MYO5A: variants seen among roughly 807,000 people sequenced by gnomAD.
MYO5A encodes the protein myosin VA.
In MYO5A, 98 loss-of-function variants were observed where a neutral mutation model predicts 249.7. The observed-to-expected ratio is 0.39, with a 90% CI of 0.33 to 0.46. The LOEUF is 0.46. MYO5A is among the 20% of genes least tolerant of loss of function. The probability of loss-of-function intolerance (pLI) is 0.98; values close to 1 mark genes in which losing one functional copy is unlikely to be tolerated. For synonymous variants in MYO5A, 778 were observed against 810.6 expected (o/e 0.96, Z 0.68); for missense variants, 1,696 against 2,308.8 (o/e 0.73, Z 5.44).
chr15:52,383,883 C>A (rs545761636), intron 15 of MYO5A, among the ~76,000 whole-genome samples: 92 of 152,208 alleles, frequency 6.0e-4, no homozygotes, highest in Non-Finnish European at 1.1e-3. Flanking sequence ...AGAGACAAAA[C>A]AAACAGAAAA....
chr15:52,402,504 A>G (rs1205511200), intron 9 of MYO5A, among the ~76,000 whole-genome samples: 1 of 152,156 alleles, frequency 6.6e-6, no homozygotes, highest in Non-Finnish European at 1.5e-5. Flanking sequence ...AATGCCTTCA[A>G]GGTGGGGCAG....
rs749036075 is a variant in MYO5A, at chr15:52,319,266, G to A, written c.5028C>T (p.Ser1676=). 3 of 1,614,162 alleles carry A rather than the reference G, an allele frequency of 1.9e-6. No homozygotes were observed. The highest frequency in any genetic ancestry group is 1.1e-5 in the South Asian group (1 of 91,082). The change falls in exon 39 of 42, where the codon TCC becomes TCT. Residue 1676 remains serine (S), a synonymous_variant. Coordinates refer to ENST00000399233, the MANE Select transcript of MYO5A (RefSeq NM_001382347.1). ...TGTAGGTGCCCTCATCGGCGATACT[G>A]GAGGTTCGCTTTCTCAACCCTGTGG... The part of the protein sequence containing the change: ...VKPTGLRKRT[S]SIADEGTYTL...
Position 52,425,603 on chromosome 15 carries a change from G to A in MYO5A, c.455+227C>T, listed in dbSNP as rs564212264. ...TCGAACTCCTGACCTCAGGTAATTC[G>A]CCCACCTTGGCCTCCCAAAGTGCTG... On this transcript the variant is annotated intron_variant, in intron 4 of 41. Coordinates refer to ENST00000399233, the MANE Select transcript of MYO5A (RefSeq NM_001382347.1). 3.7e-3 allele frequency among the ~76,000 whole-genome samples: 557 copies of A among 152,084 alleles called. 5 individuals are homozygous for A. Among genetic ancestry groups the A allele is most frequent in the Non-Finnish European group, 4.4e-3 (297 of 67,980 alleles).
chr15:52,383,795 A>G (rs1355133814), intron 15 of MYO5A, among the ~76,000 whole-genome samples: 1 of 152,016 alleles, frequency 6.6e-6, no homozygotes, highest in African/African-American at 2.4e-5. Flanking sequence ...AACATTTCCC[A>G]CTCTCAGAGA....
chr15:52,394,593 T>C (rs1485053794), intron 11 of MYO5A, among the ~76,000 whole-genome samples: 2 of 151,068 alleles, frequency 1.3e-5, no homozygotes, highest in African/African-American at 4.9e-5. Context: ...TGTAAGGGGG[T>C]ATGTGAAGAG....
chr15:52,488,266 G>A (rs17651581), intron 1 of MYO5A, among the ~76,000 whole-genome samples: 22,816 of 151,644 alleles, frequency 0.15, 1,824 homozygotes, highest in Middle Eastern at 0.22. Flanking sequence ...TTTTCATTCT[G>A]AGCCATTTGT....
At chr15:52,407,734 T>G (rs1284133427) in intron 7 of MYO5A, among the ~76,000 whole-genome samples, 1 of 151,910 alleles carries the variant, frequency 6.6e-6, no homozygotes, top group African/African-American at 2.4e-5. Context: ...ACAAATCAAC[T>G]CCTTTAATTT....
At chr15:52,354,046 A>G (rs773018825) in intron 25 of MYO5A, 32 bp from the exon 26 acceptor site, 2 of 1,613,708 alleles carry the variant, frequency 1.2e-6, no homozygotes, top group Middle Eastern at 1.7e-4. Context: ...GATGGTCAAG[A>G]CAAGCCAGAA....
chr15:52,520,303 C>G (rs1032679381), intron 1 of MYO5A, among the ~76,000 whole-genome samples: 6 of 152,196 alleles, frequency 3.9e-5, no homozygotes, highest in Non-Finnish European at 8.8e-5. Context: ...TGTCCTCCCC[C>G]TGGTCTCTGG....
intron 1 of MYO5A, among the ~76,000 whole-genome samples, chr15:52,520,338 T>C (rs2077591355): frequency 6.6e-6 from 1 of 152,130 alleles, no homozygotes; most frequent in Admixed American, 6.5e-5. Flanking sequence ...TGACCACTCA[T>C]GGTGCTCCTC....
chr15:52,427,746 G>T (rs1167892634), intron 3 of MYO5A, among the ~76,000 whole-genome samples: 1 of 151,910 alleles, frequency 6.6e-6, no homozygotes, highest in African/African-American at 2.4e-5. Flanking sequence ...GTGAAAGAAT[G>T]GTAAGACGTC....
intron 1 of MYO5A, chr15:52,505,717 G>C (rs1403033864): frequency 7.2e-7 from 1 of 1,388,822 alleles, no homozygotes; most frequent in Non-Finnish European, 1.0e-6. Context: ...ATCTAAACTA[G>C]TTCCAGTGGG....
At chr15:52,405,647 T>G (rs896559887) in intron 8 of MYO5A, among the ~76,000 whole-genome samples, 2 of 152,200 alleles carry the variant, frequency 1.3e-5, no homozygotes, top group East Asian at 3.8e-4. Context: ...GGACCTATCA[T>G]CTCAAATGGA....
At chr15:52,415,063 C>T (rs1026971527) in intron 5 of MYO5A, among the ~76,000 whole-genome samples, 6 of 152,212 alleles carry the variant, frequency 3.9e-5, no homozygotes, top group African/African-American at 7.2e-5. Flanking sequence ...TAAGAGGTCA[C>T]GGCATTCTGT....
intron 4 of MYO5A, among the ~76,000 whole-genome samples, chr15:52,417,245 C>G (rs1261024099): frequency 6.6e-6 from 1 of 152,106 alleles, no homozygotes; most frequent in Non-Finnish European, 1.5e-5. Flanking sequence ...TATTTTATTC[C>G]TAAAGAATTA....
chr15:52,318,966 G>T, intron 39 of MYO5A, 94 bp downstream of exon 39: 1 of 1,466,654 alleles, frequency 6.8e-7, no homozygotes, highest in East Asian at 2.4e-5. Flanking sequence ...GACATGAGAT[G>T]CAAGAACTGA....
In MYO5A at chr15:52,364,541, G is replaced by T; in HGVS notation, c.3309+13C>A. On this transcript the variant is annotated intron_variant, in intron 24 of 41. Coordinates refer to ENST00000399233, the MANE Select transcript of MYO5A (RefSeq NM_001382347.1). ...ATTTTTCATTAAAAAAAAAACAAAA[G>T]TGTTTGACTCACCACCATAAGGGTC... is the stretch of plus-strand genomic sequence containing the variant. 1 of 1,600,370 alleles carries T rather than the reference G, an allele frequency of 6.2e-7. No homozygotes were observed. The highest frequency in any genetic ancestry group is 1.1e-5 in the South Asian group (1 of 87,128).
intron 1 of MYO5A, among the ~76,000 whole-genome samples, chr15:52,450,855 T>TTTTTTGTTTGTTTTTTG (rs1555454759): frequency 0.04 from 5,732 of 144,368 alleles, 187 homozygotes; most frequent in South Asian, 0.13. Context: ...TTTTTTTTTT[T>TTTTTTGTTTGTTTTTTG]TTTTTTTTTT....
At chr15:52,483,609 C>T (rs1486929695) in intron 1 of MYO5A, among the ~76,000 whole-genome samples, 1 of 152,144 alleles carries the variant, frequency 6.6e-6, no homozygotes, top group African/African-American at 2.4e-5. Flanking sequence ...CTCAGTTTTC[C>T]TTCCCCATCC....
Sources: allele counts gnomAD v4.1 joint callset (sites outside exome capture counted in the v4.1 genomes callset), GRCh38; gene constraint gnomAD v4.1.1; transcripts MANE v1.5; gene names NCBI Gene and HGNC (gene_info 2026-07-23, HGNC 2026-07-21).